SRR: variants seen among roughly 807,000 people sequenced by gnomAD.
SRR encodes D-serine ammonia-lyase.
SRR carries 19 observed loss-of-function variants against 32.7 expected under a neutral mutation model. The ratio of observed to expected loss-of-function variants is 0.58; its 90% CI spans 0.40 to 0.85. The LOEUF (loss-of-function observed/expected upper bound fraction) is 0.85. Among genes scored for constraint, SRR ranks in the 40% least tolerant of loss-of-function variants. SRR has a pLI of 0.00. For synonymous variants in SRR, 142 were observed against 140.9 expected (o/e 1.01, Z -0.06); for missense variants, 373 against 404.7 (o/e 0.92, Z 0.67).
intron 1 of SRR, among the ~76,000 whole-genome samples, chr17:2,305,277 A>G (rs935053592): frequency 6.6e-6 from 1 of 152,240 alleles, no homozygotes; most frequent in African/African-American, 2.4e-5. Flanking sequence ...AGGCCATTGC[A>G]TGATTTCTTT....
In SRR at chr17:2,317,807, G is replaced by C. The variant is rs970554113; in HGVS notation, c.169-63G>C. 8 of 1,561,850 alleles carry C rather than the reference G, an allele frequency of 5.1e-6. No individual in the cohort carries two copies. In the East Asian group the frequency reaches 6.8e-5, roughly 13 times the overall value. On this transcript the variant is annotated intron_variant, in intron 2 of 7. Coordinates refer to ENST00000344595, the MANE Select transcript of SRR (RefSeq NM_021947.3). ...TGTTAAGGATAGAAAATCTAGAAAA[G>C]CTCCTTGCTTTCCAAAACAATGTTT...
intron 1 of SRR, among the ~76,000 whole-genome samples, chr17:2,308,919 G>A (rs963944364): frequency 2.6e-5 from 4 of 152,048 alleles, no homozygotes; most frequent in African/African-American, 4.8e-5. Flanking sequence ...AGGAGTTCGA[G>A]ACCAGCCTGA....
intron 1 of SRR, among the ~76,000 whole-genome samples, chr17:2,314,033 A>G (rs1378427388): frequency 6.6e-6 from 1 of 152,260 alleles, no homozygotes; most frequent in African/African-American, 2.4e-5. Context: ...AACTGCTACA[A>G]TAGACACAGT....
Position 2,324,261 on chromosome 17 carries a change from G to C in SRR, c.*388G>C. 1 of 1,549,122 alleles carries C rather than the reference G, an allele frequency of 6.5e-7. No individual in the cohort carries two copies. Among genetic ancestry groups the C allele is most frequent in the Non-Finnish European group, 8.7e-7 (1 of 1,153,366 alleles). On this transcript the variant is annotated 3_prime_UTR_variant, in exon 8 of 8. Coordinates refer to ENST00000344595, the MANE Select transcript of SRR (RefSeq NM_021947.3). ...CTTTTCAGCCAGGGTACTGGTTCTG[G>C]TACATATGGATCATAAGTCCATTTG...
At chr17:2,319,289 T>C (rs979584517) in intron 4 of SRR, among the ~76,000 whole-genome samples, 1 of 152,188 alleles carries the variant, frequency 6.6e-6, no homozygotes, top group Non-Finnish European at 1.5e-5. Context: ...TCTTAGTAAA[T>C]GGCAATTTTT....
rs73976511 is a variant in SRR at position 2,307,428 on chromosome 17, T to G, written c.-5+3411T>G. 3,794 of 1,284,820 alleles carry G rather than the reference T, an allele frequency of 3.0e-3. 80 individuals carry two copies. In the African/African-American group the frequency reaches 0.046, roughly 15 times the overall value. 79.6% of individuals were successfully genotyped at this position (1,284,820 alleles called of 1,614,324 possible). A position where few individuals can be genotyped will look rare whatever the true frequency, so the allele number is the denominator to read the frequency against. On this transcript the variant is annotated intron_variant, in intron 1 of 7. Coordinates refer to ENST00000344595, the MANE Select transcript of SRR (RefSeq NM_021947.3). Reference sequence around the variant, plus strand: ...ACTTTGGTTGTGAAGGAAATTTCAGTGGTCATGGTGGCTTTGGTGGCAGCT... The same window carrying G: ...ACTTTGGTTGTGAAGGAAATTTCAGGGGTCATGGTGGCTTTGGTGGCAGCT...
At chr17:2,321,500 C>T in intron 5 of SRR, 42 bp from the exon 6 acceptor site, 1 of 1,612,176 alleles carries the variant, frequency 6.2e-7, no homozygotes, top group Non-Finnish European at 8.5e-7. Flanking sequence ...TATATGTATA[C>T]ATTAAATATA....
intron 4 of SRR, among the ~76,000 whole-genome samples, chr17:2,320,251 C>CTTTTTT (rs35025479): frequency 1.2e-4 from 9 of 76,744 alleles, no homozygotes; most frequent in Non-Finnish European, 1.6e-4. Flanking sequence ...CATCTCTCAT[C>CTTTTTT]TTTTTTTTTT....
At chr17:2,313,985 T>G (rs558412870) in intron 1 of SRR, among the ~76,000 whole-genome samples, 2 of 152,346 alleles carry the variant, frequency 1.3e-5, no homozygotes, top group South Asian at 4.1e-4. Context: ...GAATATAGAT[T>G]CTTTTGTAAT....
At chr17:2,304,657 A>G (rs1431641382) in intron 1 of SRR, among the ~76,000 whole-genome samples, 1 of 151,884 alleles carries the variant, frequency 6.6e-6, no homozygotes, top group Non-Finnish European at 1.5e-5. Flanking sequence ...CGGAACGCTG[A>G]GACGGGCGGA....
intron 1 of SRR, chr17:2,309,660 G>C (rs2075419766): frequency 6.6e-6 from 1 of 152,544 alleles, no homozygotes; most frequent in South Asian, 2.1e-4. Flanking sequence ...AATATGTAAT[G>C]TTTTATGTAT....
chr17:2,325,070 A>C lies in SRR; in HGVS notation c.*1197A>C. The C allele has an allele frequency of 3.3e-6, 2 of 599,824 alleles. No homozygotes were observed. The highest frequency in any genetic ancestry group is 5.7e-6 in the Non-Finnish European group (2 of 351,748). The allele number at this position is 599,824 out of a possible 1,614,324, so 37.2% of individuals were successfully genotyped here. On this transcript the variant is annotated 3_prime_UTR_variant, in exon 8 of 8. Coordinates refer to ENST00000344595, the MANE Select transcript of SRR (RefSeq NM_021947.3). ...ATACTTTTTCTCATCAGTTGTTACA[A>C]GGAAAGGATGTTGAACAAAAGGCAG... is the stretch of plus-strand genomic sequence containing the variant.
chr17:2,320,782 G>A (rs1211323151), intron 4 of SRR, among the ~76,000 whole-genome samples: 3 of 151,974 alleles, frequency 2.0e-5, no homozygotes, highest in Non-Finnish European at 4.4e-5. Context: ...GGCTGGTCTT[G>A]AACTCCTGAC....
chr17:2,303,449 G>A, upstream of SRR: 1 of 1,305,342 alleles, frequency 7.7e-7, no homozygotes, highest in Non-Finnish European at 9.7e-7. Context: ...GACTGGCCGA[G>A]CCCGACCCCG....
intron 3 of SRR, 47 bp from the exon 4 acceptor site, chr17:2,318,779 T>G (rs554806801): frequency 2.0e-6 from 3 of 1,471,270 alleles, no homozygotes; most frequent in East Asian, 2.3e-5. Context: ...CACATAAGTT[T>G]CTATTCTAAA....
At chr17:2,315,511 C>G in intron 1 of SRR, 46 bp from the exon 2 acceptor site, 1 of 1,545,106 alleles carries the variant, frequency 6.5e-7, no homozygotes, top group Non-Finnish European at 8.7e-7. Flanking sequence ...AATAAACATA[C>G]TGTCTCAGAC....
At position 2,307,045 on chromosome 17, in the gene SRR, CAA is replaced by C. The variant is rs537850126; in HGVS notation, c.-5+3030_-5+3031del. The C allele has an allele frequency of 1.5e-5, 20 of 1,307,714 alleles. No homozygotes were observed. The South Asian group carries it at 2.1e-4, about 14-fold the overall frequency. The allele number at this position is 1,307,714 out of a possible 1,614,324, so 81.0% of individuals were successfully genotyped here. A position where few individuals can be genotyped will look rare whatever the true frequency, so the allele number is the denominator to read the frequency against. On this transcript the variant is annotated intron_variant, in intron 1 of 7. Transcript: ENST00000344595. ...GAGAGCTGTCTCAAGAGAAGATTCT[CAA>C]AGACCAGATGCCCACTTAACTATGG... is the stretch of plus-strand genomic sequence containing the variant.
At chr17:2,307,464 TG>T in intron 1 of SRR, 1 of 1,434,222 alleles carries the variant, frequency 7.0e-7, no homozygotes, top group Non-Finnish European at 9.7e-7. Context: ...GTGGTGGTGG[TG>T]GATATCGTGC....
upstream of SRR, chr17:2,303,818 G>A (rs1410192621): frequency 2.0e-6 from 2 of 1,014,028 alleles, no homozygotes; most frequent in South Asian, 3.2e-5. Flanking sequence ...CCCACCTCCC[G>A]GCCTTTCCCC....
Sources: gnomAD v4.1 joint callset for allele counts (sites outside exome capture counted in the v4.1 genomes callset) on GRCh38, gnomAD v4.1.1 for gene constraint, MANE v1.5 for transcripts, NCBI Gene and HGNC (gene_info 2026-07-23, HGNC 2026-07-21) for gene names.